Variants in MAML2 observed in about 807,000 individuals in gnomAD.
The protein encoded by MAML2 is mastermind like transcriptional coactivator 2, also known as mastermind-like protein 2.
In MAML2, 22 loss-of-function variants were observed where a neutral mutation model predicts 96.1. The ratio of observed to expected loss-of-function variants is 0.23; its 90% CI spans 0.16 to 0.33. MAML2 has a LOEUF of 0.33. Among genes scored for constraint, MAML2 ranks in the 10% least tolerant of loss-of-function variants. The probability of loss-of-function intolerance (pLI) is 1.00; values close to 1 mark genes in which losing one functional copy is unlikely to be tolerated. For missense variants in MAML2, 1,367 were observed against 1,392.4 expected, an observed-to-expected ratio of 0.98 and a Z score of 0.29; for synonymous variants, 561 against 521.3, an observed-to-expected ratio of 1.08 and a Z score of -1.04.
rs71040130 is a variant in MAML2, at chr11:96,121,950, C to CTTTTTTTTTTT, written c.514-28444_514-28434dup. 6.5e-4 allele frequency among the ~76,000 whole-genome samples: 37 copies of CTTTTTTTTTTT among 56,844 alleles called. 1 individual carries two copies. Among genetic ancestry groups the CTTTTTTTTTTT allele is most frequent in the African/African-American group, 1.0e-3 (13 of 12,570 alleles). The allele number at this position is 56,844 out of a possible 152,430, so 37.3% of individuals were successfully genotyped here. A position where few individuals can be genotyped will look rare whatever the true frequency, so the allele number is the denominator to read the frequency against. On this transcript the variant is annotated intron_variant, in intron 1 of 4. Coordinates refer to ENST00000524717, the MANE Select transcript of MAML2 (RefSeq NM_032427.4). ...TACAGGCACCCGCCACCACGCCCGG[C>CTTTTTTTTTTT]TTTTTTTTTTTTTTTTTTTTTTTTT...
At chr11:96,040,687 A>G (rs1345339694) in intron 2 of MAML2, among the ~76,000 whole-genome samples, 2 of 152,160 alleles carry the variant, frequency 1.3e-5, no homozygotes, top group African/African-American at 4.8e-5. Flanking sequence ...GAATTGCTTG[A>G]ACCCAGGAGG....
intron 1 of MAML2, among the ~76,000 whole-genome samples, chr11:96,101,979 T>C (rs1297327574): frequency 1.3e-5 from 2 of 152,184 alleles, no homozygotes; most frequent in African/African-American, 2.4e-5. Context: ...AACATTGCTC[T>C]TAAAATACTG....
At chr11:96,094,234 T>C (rs1389053920) in intron 1 of MAML2, among the ~76,000 whole-genome samples, 1 of 152,252 alleles carries the variant, frequency 6.6e-6, no homozygotes, top group Non-Finnish European at 1.5e-5. Flanking sequence ...TTCTGTTTCC[T>C]GTAACTAAAT....
At chr11:96,044,457 C>T (rs1233380512) in intron 2 of MAML2, among the ~76,000 whole-genome samples, 2 of 152,174 alleles carry the variant, frequency 1.3e-5, no homozygotes, top group Non-Finnish European at 2.9e-5. Context: ...CCTTCCTCTC[C>T]TTTCATATGG....
chr11:96,338,893 C>A (rs753371252), intron 1 of MAML2, among the ~76,000 whole-genome samples: 1 of 152,130 alleles, frequency 6.6e-6, no homozygotes, highest in African/African-American at 2.4e-5. Flanking sequence ...TAAAGTGAGA[C>A]CTGCCAATGT....
chr11:96,159,811 T>C (rs967605050), intron 1 of MAML2, among the ~76,000 whole-genome samples: 8 of 152,144 alleles, frequency 5.3e-5, no homozygotes, highest in Admixed American at 3.3e-4. Flanking sequence ...GTTTCTCCAG[T>C]AGGGCCTGGA....
chr11:96,277,058 G>A (rs1862999004), intron 1 of MAML2, among the ~76,000 whole-genome samples: 1 of 152,080 alleles, frequency 6.6e-6, no homozygotes, highest in Non-Finnish European at 1.5e-5. Flanking sequence ...TGAAAGATAA[G>A]CTCAGATATT....
At chr11:96,066,232 C>T (rs1414568286) in intron 2 of MAML2, among the ~76,000 whole-genome samples, 1 of 152,196 alleles carries the variant, frequency 6.6e-6, no homozygotes, top group Non-Finnish European at 1.5e-5. Flanking sequence ...GCTGAAGGGT[C>T]CTGTCACCAA....
At chr11:96,305,699 T>C (rs1200683469) in intron 1 of MAML2, among the ~76,000 whole-genome samples, 1 of 152,220 alleles carries the variant, frequency 6.6e-6, no homozygotes, top group Admixed American at 6.5e-5. Context: ...AGGGAATTTT[T>C]TCTATGTTAG....
At position 96,093,426 on chromosome 11, in the gene MAML2, T is replaced by C. The variant is rs370555020; in HGVS notation, c.605A>G (p.Asp202Gly). 1.3e-5 allele frequency: 21 copies of C among 1,614,056 alleles called. No homozygotes were observed. The highest frequency in any genetic ancestry group is 1.8e-5 in the Non-Finnish European group (21 of 1,179,900). ...CTCCCCAACACGAATTCTTTTGATA[T>C]CAAGAAATGAGTTGTCCACAAAGCC... is the stretch of plus-strand genomic sequence containing the variant. ...PNGFVDNSFL[D>G]IKRIRVGENL... is the part of the protein sequence containing the mutation. The change falls in exon 2 of 5, where the codon GAT becomes GGT. Residue 202 changes from aspartate (D) to glycine (G), a missense_variant. Physicochemically the swap from Asp to Gly is moderately conservative, Grantham distance 94. Coordinates refer to ENST00000524717, the MANE Select transcript of MAML2 (RefSeq NM_032427.4).
At chr11:96,166,177 TCACACACACACACA>T (rs1555018442) in intron 1 of MAML2, among the ~76,000 whole-genome samples, 2 of 110,330 alleles carry the variant, frequency 1.8e-5, no homozygotes, top group Non-Finnish European at 3.7e-5. Context: ...TCTCTCTCTC[TCACACACACACACA>T]CACACACACA....
intron 1 of MAML2, among the ~76,000 whole-genome samples, chr11:96,122,434 GA>G (rs1342027534): frequency 1.3e-5 from 2 of 151,982 alleles, no homozygotes; most frequent in Non-Finnish European, 2.9e-5. Context: ...GAACGGGAAA[GA>G]AAGTCAAAGA....
chr11:96,239,313 G>C (rs1591089627), intron 1 of MAML2, among the ~76,000 whole-genome samples: 1 of 152,234 alleles, frequency 6.6e-6, no homozygotes, highest in Admixed American at 6.5e-5. Context: ...AGTGATGGCA[G>C]TAGAAGAGAC....
chr11:96,117,454 C>G (rs1366553949), intron 1 of MAML2, among the ~76,000 whole-genome samples: 1 of 152,040 alleles, frequency 6.6e-6, no homozygotes, highest in African/African-American at 2.4e-5. Context: ...TGTCACCACA[C>G]CCAGCTGATT....
chr11:96,301,225 G>A (rs1223240885), intron 1 of MAML2, among the ~76,000 whole-genome samples: 1 of 152,114 alleles, frequency 6.6e-6, no homozygotes, highest in African/African-American at 2.4e-5. Flanking sequence ...GTCAAAAGTT[G>A]ATTTCTTTTT....
chr11:95,997,796 C>A (rs1475434141), intron 2 of MAML2, among the ~76,000 whole-genome samples: 1 of 152,146 alleles, frequency 6.6e-6, no homozygotes, highest in Non-Finnish European at 1.5e-5. Context: ...TCTTCTAAGG[C>A]TTTGGCCTTG....
chr11:96,197,485 A>G (rs1861748891), intron 1 of MAML2, among the ~76,000 whole-genome samples: 1 of 152,032 alleles, frequency 6.6e-6, no homozygotes, highest in Non-Finnish European at 1.5e-5. Flanking sequence ...CAATCCTGCC[A>G]CTCCAGAAAA....
intron 1 of MAML2, among the ~76,000 whole-genome samples, chr11:96,257,693 C>T (rs1862687527): frequency 7.7e-6 from 1 of 129,554 alleles, no homozygotes; most frequent in African/African-American, 2.7e-5. Flanking sequence ...CAACTTAAAA[C>T]TTGGAATGAA....
chr11:96,187,591 A>T (rs1861592839), intron 1 of MAML2, among the ~76,000 whole-genome samples: 1 of 152,034 alleles, frequency 6.6e-6, no homozygotes, highest in Admixed American at 6.6e-5. Flanking sequence ...GGTGGATCAC[A>T]AGGTCAGAAG....
Sources: gnomAD v4.1 joint callset for allele counts (sites outside exome capture counted in the v4.1 genomes callset) on GRCh38, gnomAD v4.1.1 for gene constraint, MANE v1.5 for transcripts, NCBI Gene and HGNC (gene_info 2026-07-23, HGNC 2026-07-21) for gene names.